Variants in SGF29 observed in about 807,000 individuals in gnomAD.
The protein encoded by SGF29 is SAGA-associated factor 29.
In SGF29, 15 loss-of-function variants were observed where a neutral mutation model predicts 38.1. The observed-to-expected ratio is 0.39, with a 90% CI of 0.26 to 0.61. SGF29 has a LOEUF of 0.61. Among genes scored for constraint, SGF29 ranks in the 20% least tolerant of loss-of-function variants. The probability of loss-of-function intolerance (pLI) is 0.49; values close to 1 mark genes in which losing one functional copy is unlikely to be tolerated. For missense variants in SGF29, 184 were observed against 394.6 expected (o/e 0.47, Z 4.52); for synonymous variants, 151 against 160.8 (o/e 0.94, Z 0.46).
chr16:28,568,696 C>T (rs1259917583), intron 1 of SGF29, among the ~76,000 whole-genome samples: 2 of 152,002 alleles, frequency 1.3e-5, no homozygotes, highest in East Asian at 1.9e-4. Context: ...GGATGGATCA[C>T]GAGGTCAAGA....
chr16:28,579,688 T>G (rs1047265247), intron 1 of SGF29, among the ~76,000 whole-genome samples: 42 of 151,980 alleles, frequency 2.8e-4, no homozygotes, highest in Non-Finnish European at 5.3e-4. Context: ...CCCAGCACTG[T>G]GGGAGACTGA....
chr16:28,583,765 C>T (rs189760227), intron 2 of SGF29, among the ~76,000 whole-genome samples: 1 of 152,258 alleles, frequency 6.6e-6, no homozygotes, highest in Non-Finnish European at 1.5e-5. Flanking sequence ...ATGCCAGTAC[C>T]ACACCATCGT....
intron 1 of SGF29, among the ~76,000 whole-genome samples, chr16:28,554,981 C>T (rs1448834237): frequency 6.6e-6 from 1 of 152,214 alleles, no homozygotes; most frequent in African/African-American, 2.4e-5. Flanking sequence ...CTGATTCTAA[C>T]CTAGGCATCA....
At chr16:28,563,713 G>A (rs1048170676) in intron 1 of SGF29, among the ~76,000 whole-genome samples, 9 of 134,510 alleles carry the variant, frequency 6.7e-5, no homozygotes, top group Non-Finnish European at 1.1e-4. Flanking sequence ...TAGAGAAACA[G>A]ACTTTTTTTT....
intron 1 of SGF29, among the ~76,000 whole-genome samples, chr16:28,568,213 T>C (rs947550183): frequency 6.8e-6 from 1 of 146,662 alleles, no homozygotes; most frequent in African/African-American, 2.5e-5. Context: ...CTCAGGAGGC[T>C]GACGTAGGAG....
intron 1 of SGF29, among the ~76,000 whole-genome samples, chr16:28,568,399 A>C (rs1044883735): frequency 1.3e-5 from 2 of 151,918 alleles, no homozygotes; most frequent in African/African-American, 4.8e-5. Context: ...CTGGCTATAC[A>C]TTGTTGAACT....
Position 28,590,514 on chromosome 16 carries a change from A to T in SGF29, c.566+72A>T. On this transcript the variant is annotated intron_variant, in intron 7 of 9. Transcript: ENST00000317058. This position sits in a 1 kb window ranked among gnomAD's most constrained non-coding sequence, Gnocchi z 8.2. ...CTGGGCTACGGGAGAAAAGCTCTGCAGAGGGTGCTCCCCAGAGGCTGGTTG... is the reference window on the plus strand; with the variant it reads ...CTGGGCTACGGGAGAAAAGCTCTGCTGAGGGTGCTCCCCAGAGGCTGGTTG... The T allele has an allele frequency of 2.5e-6, 4 of 1,613,152 alleles. No homozygotes were observed. Among genetic ancestry groups the T allele is most frequent in the Non-Finnish European group, 3.4e-6 (4 of 1,179,622 alleles).
At chr16:28,576,586 G>A (rs773685209) in intron 1 of SGF29, among the ~76,000 whole-genome samples, 3 of 152,084 alleles carry the variant, frequency 2.0e-5, no homozygotes, top group Non-Finnish European at 2.9e-5. Flanking sequence ...TGTAATCCCA[G>A]CTACTTGGGA....
In SGF29 at chr16:28,554,665, C is replaced by T. The variant is rs182210552; in HGVS notation, c.-16+568C>T. The stretch of plus-strand genomic sequence containing the variant: ...AGCCTCCTTCACCCTCGCTATCCTC[C>T]AGTTACCTCCTCCTCGGCTCCGGTT... On this transcript the variant is annotated intron_variant, in intron 1 of 9. Transcript: ENST00000317058. Among the ~76,000 whole-genome samples the T allele has an allele frequency of 2.5e-3, 375 of 152,270 alleles. 3 individuals carry two copies. The highest frequency in any genetic ancestry group is 4.4e-3 in the Non-Finnish European group (300 of 68,018).
At chr16:28,564,551 GTATATA>G (rs58434968) in intron 1 of SGF29, among the ~76,000 whole-genome samples, 1 of 39,620 alleles carries the variant, frequency 2.5e-5, no homozygotes, top group Non-Finnish European at 6.6e-5. Flanking sequence ...ATATATATAC[GTATATA>G]TATATATACG....
chr16:28,586,519 A>C (rs914512294), intron 4 of SGF29, among the ~76,000 whole-genome samples: 2 of 152,054 alleles, frequency 1.3e-5, no homozygotes, highest in African/African-American at 4.8e-5. Flanking sequence ...AAAAAAAAAA[A>C]AAACTAAAAT....
At chr16:28,554,848 T>C (rs1008615374) in intron 1 of SGF29, among the ~76,000 whole-genome samples, 2 of 152,226 alleles carry the variant, frequency 1.3e-5, no homozygotes, top group Non-Finnish European at 2.9e-5. Flanking sequence ...CATTGTTAAG[T>C]TAGGTCTCAG....
intron 1 of SGF29, among the ~76,000 whole-genome samples, chr16:28,565,704 G>T (rs1405894800): frequency 1.3e-5 from 2 of 151,778 alleles, no homozygotes; most frequent in Non-Finnish European, 2.9e-5. Flanking sequence ...CACTATGTTG[G>T]TCTCAAACTC....
intron 1 of SGF29, 99 bp downstream of exon 1, chr16:28,554,196 G>GGCGCTCTAGGGGCGGTGCGCAC (rs2046729695): frequency 2.0e-5 from 3 of 151,982 alleles, no homozygotes; most frequent in Non-Finnish European, 4.4e-5. Flanking sequence ...TCCCTGAGGC[G>GGCGCTCTAGGGGCGGTGCGCAC]GCGCTCTAGG....
At chr16:28,564,987 C>T (rs71391314) in intron 1 of SGF29, among the ~76,000 whole-genome samples, 1 of 151,706 alleles carries the variant, frequency 6.6e-6, no homozygotes, top group South Asian at 2.1e-4. Flanking sequence ...AGTCTGAGGC[C>T]TAAGGCCTGA....
intron 1 of SGF29, among the ~76,000 whole-genome samples, chr16:28,558,361 G>A (rs1415306115): frequency 6.6e-6 from 1 of 150,914 alleles, no homozygotes; most frequent in Non-Finnish European, 1.5e-5. Context: ...TGATCCACCC[G>A]CCTTGGCCTT....
chr16:28,562,116 G>A (rs544037823), intron 1 of SGF29, among the ~76,000 whole-genome samples: 3 of 152,270 alleles, frequency 2.0e-5, no homozygotes, highest in African/African-American at 7.2e-5. Flanking sequence ...TTATTCCTAG[G>A]TTTGGCAAGC....
chr16:28,580,904 C>T (rs1448263598), intron 1 of SGF29, among the ~76,000 whole-genome samples, 151 bp from the exon 2 acceptor site: 1 of 152,186 alleles, frequency 6.6e-6, no homozygotes, highest in Non-Finnish European at 1.5e-5. Flanking sequence ...TGGTCTTGAA[C>T]TCCTGGCCTC....
intron 1 of SGF29, among the ~76,000 whole-genome samples, chr16:28,565,414 G>A (rs1399118655): frequency 2.0e-5 from 3 of 152,186 alleles, no homozygotes; most frequent in African/African-American, 7.2e-5. Context: ...GCAGCAGAAA[G>A]GTCCAGGAGC....
Sources: allele counts gnomAD v4.1 joint callset (sites outside exome capture counted in the v4.1 genomes callset), GRCh38; gene constraint gnomAD v4.1.1; non-coding constraint Gnocchi (gnomAD v3.1); transcripts MANE v1.5; gene names NCBI Gene and HGNC (gene_info 2026-07-23, HGNC 2026-07-21).